The following CDH13 variants were observed in gnomAD, a reference collection of about 807,000 sequenced individuals.
CDH13 encodes cadherin 13.
CDH13 carries 24 observed loss-of-function variants against 63.8 expected under a neutral mutation model. That is an observed-to-expected ratio of 0.38 (90% CI 0.27 to 0.53). The LOEUF (loss-of-function observed/expected upper bound fraction) is 0.53, where lower values mean the gene tolerates loss of function less well. CDH13 is among the 20% of genes least tolerant of loss of function. CDH13 has a pLI of 0.85. For missense variants in CDH13, 1,049 were observed against 903.1 expected, an observed-to-expected ratio of 1.16 and a Z score of -2.07; for synonymous variants, 503 against 355.3, an observed-to-expected ratio of 1.42 and a Z score of -4.67.
chr16:82,651,227 C>G (rs1445758307), intron 1 of CDH13, among the ~76,000 whole-genome samples: 1 of 152,176 alleles, frequency 6.6e-6, no homozygotes, highest in Non-Finnish European at 1.5e-5. Context: ...TTTTATTGAG[C>G]ACTGTCTACA....
At chr16:83,174,388 A>G (rs1009129026) in intron 4 of CDH13, among the ~76,000 whole-genome samples, 6 of 152,038 alleles carry the variant, frequency 3.9e-5, no homozygotes, top group Non-Finnish European at 7.4e-5. Context: ...TTTCCAATAT[A>G]TTCAAGTTAT....
chr16:82,681,237 A>G (rs1297721557), intron 1 of CDH13, among the ~76,000 whole-genome samples: 1 of 152,240 alleles, frequency 6.6e-6, no homozygotes, highest in Non-Finnish European at 1.5e-5. Context: ...TGAAAACCTG[A>G]TGCCGGTGGC....
chr16:83,123,857 C>T (rs1354679968), intron 3 of CDH13, among the ~76,000 whole-genome samples: 2 of 152,146 alleles, frequency 1.3e-5, no homozygotes, highest in Non-Finnish European at 2.9e-5. Flanking sequence ...TCTTCAGCCT[C>T]ACCAATATTT....
intron 5 of CDH13, among the ~76,000 whole-genome samples, chr16:83,263,312 G>A (rs983006569): frequency 6.6e-6 from 1 of 152,166 alleles, no homozygotes; most frequent in African/African-American, 2.4e-5. Flanking sequence ...CAAACATTCG[G>A]AACATTTCCA....
chr16:82,984,194 C>A (rs959648588), intron 2 of CDH13, among the ~76,000 whole-genome samples: 1 of 152,224 alleles, frequency 6.6e-6, no homozygotes. Context: ...GGATAAAACT[C>A]TAAAACCTTC....
intron 2 of CDH13, among the ~76,000 whole-genome samples, chr16:82,939,066 A>G (rs901720842): frequency 3.3e-5 from 5 of 152,154 alleles, no homozygotes; most frequent in African/African-American, 1.2e-4. Flanking sequence ...AGTGGGGTGC[A>G]GTCTGAGGAA....
chr16:82,794,194 T>C (rs2151143599), intron 1 of CDH13, among the ~76,000 whole-genome samples: 2 of 151,688 alleles, frequency 1.3e-5, no homozygotes, highest in East Asian at 1.9e-4. Context: ...TTTTTTTTTT[T>C]AGTTCATCAG....
intron 6 of CDH13, among the ~76,000 whole-genome samples, chr16:83,431,796 C>T (rs2072118196): frequency 6.6e-6 from 1 of 152,148 alleles, no homozygotes; most frequent in Admixed American, 6.5e-5. Context: ...AGAATTCACC[C>T]CCATGATCTA....
chr16:83,549,968 C>T (rs974237973), intron 7 of CDH13, among the ~76,000 whole-genome samples: 13 of 152,244 alleles, frequency 8.5e-5, no homozygotes, highest in Middle Eastern at 3.4e-3. Context: ...CAATCTGGAT[C>T]GTTCATATAG....
chr16:83,732,925 G>C (rs771084743), intron 10 of CDH13, among the ~76,000 whole-genome samples: 1 of 152,198 alleles, frequency 6.6e-6, no homozygotes, highest in Admixed American at 6.5e-5. Context: ...ACCAAGGCCT[G>C]TATGGCCAGA....
At chr16:83,112,603 G>A (rs2035110462) in intron 3 of CDH13, among the ~76,000 whole-genome samples, 1 of 152,080 alleles carries the variant, frequency 6.6e-6, no homozygotes, top group East Asian at 1.9e-4. Flanking sequence ...CTTTTTGTTA[G>A]TTTCCCCATA....
intron 10 of CDH13, among the ~76,000 whole-genome samples, chr16:83,689,473 C>T (rs1904633189): frequency 6.6e-6 from 1 of 152,160 alleles, no homozygotes; most frequent in Admixed American, 6.5e-5. Flanking sequence ...GCACGAGGAG[C>T]TTATCATGGC....
chr16:83,258,696 A>G (rs1012003652), intron 5 of CDH13, among the ~76,000 whole-genome samples: 2 of 152,222 alleles, frequency 1.3e-5, no homozygotes, highest in African/African-American at 4.8e-5. Flanking sequence ...ATTCAGAGAC[A>G]TTAATTTAAC....
chr16:83,631,852 C>G (rs1256393516), intron 8 of CDH13, among the ~76,000 whole-genome samples: 1 of 152,200 alleles, frequency 6.6e-6, no homozygotes, highest in East Asian at 1.9e-4. Flanking sequence ...GCAGTTTCTT[C>G]ATCTCTGCTT....
intron 3 of CDH13, among the ~76,000 whole-genome samples, chr16:83,052,801 A>AAAAAAAG (rs1555571697): frequency 2.4e-5 from 3 of 122,658 alleles, no homozygotes; most frequent in African/African-American, 1.0e-4. Flanking sequence ...AAAAAAAAAA[A>AAAAAAAG]AAAGAAAGAA....
chr16:82,916,634 A>T (rs1194079353), intron 2 of CDH13, among the ~76,000 whole-genome samples: 5 of 152,146 alleles, frequency 3.3e-5, no homozygotes, highest in African/African-American at 4.8e-5. Context: ...ATGCCATGAT[A>T]GATACATTCT....
chr16:82,790,322 C>G (rs996140369), intron 1 of CDH13, among the ~76,000 whole-genome samples: 1 of 152,098 alleles, frequency 6.6e-6, no homozygotes, highest in Non-Finnish European at 1.5e-5. Flanking sequence ...GTAATCCTAA[C>G]TACTCAGGAG....
intron 5 of CDH13, among the ~76,000 whole-genome samples, chr16:83,254,398 GT>G (rs1427158118): frequency 6.6e-6 from 1 of 152,140 alleles, no homozygotes; most frequent in East Asian, 1.9e-4. Flanking sequence ...GTTTGAGAAA[GT>G]TTCAGGTGTT....
intron 1 of CDH13, among the ~76,000 whole-genome samples, chr16:82,720,688 T>C (rs751406521): frequency 2.4e-4 from 36 of 151,888 alleles, no homozygotes; most frequent in Non-Finnish European, 2.9e-5. Flanking sequence ...TTTTTTTTTT[T>C]CTCATCAACA....
Sources: allele counts gnomAD v4.1 joint callset (sites outside exome capture counted in the v4.1 genomes callset), GRCh38; gene constraint gnomAD v4.1.1; transcripts MANE v1.5; gene names NCBI Gene and HGNC (gene_info 2026-07-23, HGNC 2026-07-21).